The following NXPH1 variants were observed in gnomAD, a reference collection of about 807,000 sequenced individuals.
The protein encoded by NXPH1 is neurexophilin 1.
Under a neutral mutation model 23.7 loss-of-function variants are expected in NXPH1, and 5 were observed. That is an observed-to-expected ratio of 0.21 (90% CI 0.11 to 0.44). NXPH1 has a LOEUF of 0.44. Ranked by LOEUF, NXPH1 falls within the 20% of genes least tolerant of loss-of-function variation. The pLI is 0.99. For missense variants in NXPH1, 324 were observed against 321.6 expected (o/e 1.01, Z -0.06); for synonymous variants, 144 against 122.2 (o/e 1.18, Z -1.18).
At chr7:8,557,690 C>T (rs1818382495) in intron 2 of NXPH1, among the ~76,000 whole-genome samples, 1 of 151,606 alleles carries the variant, frequency 6.6e-6, no homozygotes, top group Admixed American at 6.6e-5. Context: ...AAAAACATTT[C>T]CTTCTCAAGT....
chr7:8,649,254 A>T (rs1820449843), intron 2 of NXPH1, among the ~76,000 whole-genome samples: 1 of 152,062 alleles, frequency 6.6e-6, no homozygotes, highest in South Asian at 2.1e-4. Context: ...TTTCAGTATA[A>T]TTTTGCTATC....
chr7:8,585,181 T>C (rs1818956336), intron 2 of NXPH1, among the ~76,000 whole-genome samples: 1 of 152,204 alleles, frequency 6.6e-6, no homozygotes, highest in Non-Finnish European at 1.5e-5. Flanking sequence ...ATGAAATACT[T>C]CGTTTGCTTA....
At chr7:8,504,190 C>G (rs79025701) in intron 2 of NXPH1, among the ~76,000 whole-genome samples, 1 of 152,074 alleles carries the variant, frequency 6.6e-6, no homozygotes, top group Admixed American at 6.6e-5. Flanking sequence ...TCTTTTGAAG[C>G]TCTAGAATGC....
chr7:8,578,853 G>T (rs1818807347), intron 2 of NXPH1, among the ~76,000 whole-genome samples: 1 of 152,198 alleles, frequency 6.6e-6, no homozygotes, highest in Admixed American at 6.5e-5. Context: ...TTACAAGATT[G>T]CAGGAGTTAT....
chr7:8,613,908 A>G (rs1010187554), intron 2 of NXPH1, among the ~76,000 whole-genome samples: 2 of 151,906 alleles, frequency 1.3e-5, no homozygotes, highest in African/African-American at 4.8e-5. Flanking sequence ...ACACACGTGT[A>G]TATATAATTC....
intron 2 of NXPH1, among the ~76,000 whole-genome samples, chr7:8,570,130 A>T (rs1047843559): frequency 6.6e-6 from 1 of 151,904 alleles, no homozygotes; most frequent in African/African-American, 2.4e-5. Context: ...TTTATGACAA[A>T]AAAGATACAC....
chr7:8,585,717 C>T (rs941725935), intron 2 of NXPH1, among the ~76,000 whole-genome samples: 1 of 152,174 alleles, frequency 6.6e-6, no homozygotes. Context: ...GAATGTGCAT[C>T]ACATATGTTG....
chr7:8,605,763 T>C (rs559191626), intron 2 of NXPH1, among the ~76,000 whole-genome samples: 3 of 151,940 alleles, frequency 2.0e-5, no homozygotes, highest in African/African-American at 7.2e-5. Context: ...ACAATAAAAA[T>C]CAAATAAGAT....
At chr7:8,436,635 G>C (rs1816200986) in intron 2 of NXPH1, among the ~76,000 whole-genome samples, 1 of 152,164 alleles carries the variant, frequency 6.6e-6, no homozygotes. Flanking sequence ...GGTGGGAATG[G>C]GGGAATGGGG....
chr7:8,699,915 G>A (rs4725120), intron 2 of NXPH1, among the ~76,000 whole-genome samples: 78,208 of 151,892 alleles, frequency 0.51, 21,516 homozygotes, highest in East Asian at 0.8. Flanking sequence ...GGAAGATATA[G>A]AAGAAATTAA....
At chr7:8,678,926 C>T (rs1821000108) in intron 2 of NXPH1, among the ~76,000 whole-genome samples, 2 of 97,176 alleles carry the variant, frequency 2.1e-5, no homozygotes, top group Non-Finnish European at 4.1e-5. Context: ...TTGCTTTATC[C>T]AATTTTTTTT....
At chr7:8,707,652 T>A (rs1779725126) in intron 2 of NXPH1, among the ~76,000 whole-genome samples, 1 of 152,074 alleles carries the variant, frequency 6.6e-6, no homozygotes, top group African/African-American at 2.4e-5. Flanking sequence ...GTTTGAATAA[T>A]GATAGTAAAG....
intron 2 of NXPH1, among the ~76,000 whole-genome samples, chr7:8,706,937 A>C (rs10263733): frequency 1.3e-5 from 2 of 152,082 alleles, no homozygotes; most frequent in African/African-American, 4.8e-5. Flanking sequence ...TGAGAAATTA[A>C]TGGGTACAAT....
At chr7:8,597,516 T>G (rs1441059361) in intron 2 of NXPH1, among the ~76,000 whole-genome samples, 1 of 152,100 alleles carries the variant, frequency 6.6e-6, no homozygotes, top group Non-Finnish European at 1.5e-5. Flanking sequence ...TTTTGTACTT[T>G]CTTTATGTCT....
intron 2 of NXPH1, among the ~76,000 whole-genome samples, chr7:8,497,650 T>A (rs910603654): frequency 6.6e-6 from 1 of 152,210 alleles, no homozygotes; most frequent in Non-Finnish European, 1.5e-5. Context: ...TTTGGCTGCA[T>A]AAATGTCTTC....
chr7:8,662,069 A>G (rs941998591), intron 2 of NXPH1, among the ~76,000 whole-genome samples: 11 of 151,938 alleles, frequency 7.2e-5, no homozygotes, highest in Non-Finnish European at 1.3e-4. Context: ...ATTCCAACCA[A>G]AAAGTTGCTC....
At chr7:8,629,135 G>C (rs1333101472) in intron 2 of NXPH1, among the ~76,000 whole-genome samples, 1 of 152,008 alleles carries the variant, frequency 6.6e-6, no homozygotes, top group Non-Finnish European at 1.5e-5. Flanking sequence ...TATTAAGATA[G>C]ATTATTTACC....
In NXPH1 at chr7:8,585,254, G is replaced by A. The variant is rs1040650004; in HGVS notation, c.54+149487G>A. On this transcript the variant is annotated intron_variant, in intron 2 of 2. Coordinates refer to ENST00000405863, the MANE Select transcript of NXPH1 (RefSeq NM_152745.3). ...GCCTCTTCTGTTTATTTGTGCCCTT[G>A]TAAAAAGGATCCAACCTGCTGACAG... Among the ~76,000 whole-genome samples, 7 of 152,246 alleles carry A rather than the reference G, an allele frequency of 4.6e-5. No individual in the cohort carries two copies. In the East Asian group the frequency reaches 1.2e-3, roughly 25 times the overall value.
chr7:8,697,350 T>G (rs940031799), intron 2 of NXPH1, among the ~76,000 whole-genome samples: 2 of 151,994 alleles, frequency 1.3e-5, no homozygotes, highest in Non-Finnish European at 2.9e-5. Context: ...GCATGGATAA[T>G]GGATTATAAG....
Sources: allele counts gnomAD v4.1 joint callset (sites outside exome capture counted in the v4.1 genomes callset), GRCh38; gene constraint gnomAD v4.1.1; transcripts MANE v1.5; gene names NCBI Gene and HGNC (gene_info 2026-07-23, HGNC 2026-07-21).